Variants in RGS10 observed in about 807,000 individuals in gnomAD.
The protein encoded by RGS10 is regulator of G protein signaling 10.
Under a neutral mutation model 23.5 loss-of-function variants are expected in RGS10, and 11 were observed. The observed-to-expected ratio is 0.47, with a 90% CI of 0.29 to 0.77. The LOEUF (loss-of-function observed/expected upper bound fraction) is 0.77, where lower values mean the gene tolerates loss of function less well. Ranked by LOEUF, RGS10 falls within the 30% of genes least tolerant of loss-of-function variation. RGS10 has a pLI of 0.08. For missense variants in RGS10, 180 were observed against 226.3 expected, an observed-to-expected ratio of 0.80 and a Z score of 1.31; for synonymous variants, 77 against 83.2, an observed-to-expected ratio of 0.92 and a Z score of 0.41.
intron 4 of RGS10, among the ~76,000 whole-genome samples, chr10:119,511,643 T>C (rs1390056639): frequency 6.6e-6 from 1 of 152,030 alleles, no homozygotes; most frequent in African/African-American, 2.4e-5. Flanking sequence ...GATGAAGTGC[T>C]CATTAAAATG....
Position 119,508,263 on chromosome 10 carries a change from G to A in RGS10, c.399+7246C>T, listed in dbSNP as rs563621262. On this transcript the variant is annotated intron_variant, in intron 4 of 4. Transcript: ENST00000369103. ...AATCCACCCGCCTCGGCCTCCCAAAGTGCTGGGATTATAGGCATGAGCCAC... is the reference window on the plus strand; with the variant it reads ...AATCCACCCGCCTCGGCCTCCCAAAATGCTGGGATTATAGGCATGAGCCAC... Among the ~76,000 whole-genome samples, 8 of 152,292 alleles carry A rather than the reference G, an allele frequency of 5.3e-5. No homozygotes were observed. In the East Asian group the frequency reaches 1.5e-3, roughly 29 times the overall value.
intron 1 of RGS10, among the ~76,000 whole-genome samples, chr10:119,533,610 A>G (rs1844354897): frequency 6.6e-6 from 1 of 152,220 alleles, no homozygotes; most frequent in Admixed American, 6.5e-5. Flanking sequence ...TTTCATTGAT[A>G]AAAGTTTCCA....
chr10:119,506,529 G>A (rs1844014869), intron 4 of RGS10, among the ~76,000 whole-genome samples: 1 of 152,216 alleles, frequency 6.6e-6, no homozygotes, highest in African/African-American at 2.4e-5. Flanking sequence ...CACACGTGTG[G>A]AGCGGATTGT....
intron 4 of RGS10, among the ~76,000 whole-genome samples, chr10:119,503,739 C>A (rs950978810): frequency 6.6e-6 from 1 of 152,198 alleles, no homozygotes; most frequent in Non-Finnish European, 1.5e-5. Flanking sequence ...CCGCTGTCCT[C>A]GGCTCGTAGA....
At chr10:119,531,560 TATGTGTTCAA>T (rs1470452035) in intron 1 of RGS10, among the ~76,000 whole-genome samples, 1 of 152,220 alleles carries the variant, frequency 6.6e-6, no homozygotes, top group East Asian at 1.9e-4. Context: ...ATATTAGGTT[TATGTGTTCAA>T]ATGTGTTTTC....
At chr10:119,512,399 C>G (rs543936927) in intron 4 of RGS10, among the ~76,000 whole-genome samples, 1 of 151,358 alleles carries the variant, frequency 6.6e-6, no homozygotes, top group African/African-American at 2.5e-5. Flanking sequence ...AGCAAGGCCC[C>G]GGAGAGACAG....
chr10:119,513,581 G>A (rs1330130488), intron 4 of RGS10, among the ~76,000 whole-genome samples: 1 of 152,106 alleles, frequency 6.6e-6, no homozygotes, highest in African/African-American at 2.4e-5. Context: ...CCCACTGAAT[G>A]AGTCTAAGGG....
At chr10:119,505,423 A>G (rs1843999437) in intron 4 of RGS10, among the ~76,000 whole-genome samples, 2 of 149,814 alleles carry the variant, frequency 1.3e-5, no homozygotes, top group Admixed American at 1.3e-4. Context: ...CCTGGACTGT[A>G]AACTGTTTAG....
intron 4 of RGS10, among the ~76,000 whole-genome samples, chr10:119,510,363 C>T (rs938525184): frequency 2.6e-5 from 4 of 152,148 alleles, no homozygotes; most frequent in Non-Finnish European, 5.9e-5. Context: ...GGGGCCTTTG[C>T]GCTCACCTCT....
At chr10:119,536,348 C>T (rs1844386819) in intron 1 of RGS10, 1 of 890,918 alleles carries the variant, frequency 1.1e-6, no homozygotes, top group Non-Finnish European at 1.7e-6. Context: ...GGCCCTTCCA[C>T]AGTCACCTGT....
rs2133962234 is a variant in RGS10 at position 119,538,300 on chromosome 10, G to T, written c.49+4290C>A. ...CTTGGGTCCAAGACTTGAGTTCTCT[G>T]CCCCTTCAGAAATGGGTGCCTCCGG... On this transcript the variant is annotated intron_variant, in intron 1 of 4. Coordinates refer to ENST00000369103, the MANE Select transcript of RGS10 (RefSeq NM_001005339.2). The surrounding 1 kb of genome is among the most constrained non-coding windows in gnomAD (Gnocchi z 4.5). Among the ~76,000 whole-genome samples the T allele has an allele frequency of 1.3e-5, 2 of 152,346 alleles. No individual in the cohort carries two copies. The highest frequency in any genetic ancestry group is 6.8e-3 in the Middle Eastern group (2 of 294).
At chr10:119,513,993 AAC>A (rs1169839158) in intron 4 of RGS10, among the ~76,000 whole-genome samples, 4 of 152,234 alleles carry the variant, frequency 2.6e-5, no homozygotes, top group African/African-American at 9.6e-5. Context: ...TGGGAATAAT[AAC>A]ACTCATTGGA....
At position 119,515,543 on chromosome 10, in the gene RGS10, G is replaced by A. The variant is rs762691987; in HGVS notation, c.365C>T (p.Pro122Leu). Residue 122 changes from proline to leucine, a missense_variant, in exon 4 of 5, where the codon CCG becomes CTG. Pro to Leu is a moderately conservative substitution (Grantham distance 98). Transcript: ENST00000369103. The stretch of plus-strand genomic sequence containing the variant: ...GAGTTTCTGGAACATCAGAGGGTGC[G>A]GTTCTTCCAGGATCTTCTCGTTGAG... ...SRLNEKILEE[P>L]HPLMFQKLQD... is the part of the protein sequence containing the mutation. The A allele has an allele frequency of 1.5e-5, 24 of 1,614,016 alleles. No individual in the cohort carries two copies. Among genetic ancestry groups the A allele is most frequent in the South Asian group, 2.2e-5 (2 of 91,084 alleles).
At chr10:119,505,697 C>T (rs889568750) in intron 4 of RGS10, among the ~76,000 whole-genome samples, 19 of 152,212 alleles carry the variant, frequency 1.2e-4, no homozygotes, top group Admixed American at 5.9e-4. Flanking sequence ...GTCCCCCTGA[C>T]GCATACTCAT....
intron 1 of RGS10, among the ~76,000 whole-genome samples, chr10:119,531,398 G>A (rs1452450793): frequency 1.3e-5 from 2 of 152,196 alleles, no homozygotes; most frequent in East Asian, 1.9e-4. Context: ...ACCAGACCAT[G>A]TTTGGGTTTT....
intron 1 of RGS10, among the ~76,000 whole-genome samples, chr10:119,536,967 T>A (rs1844394455): frequency 6.6e-6 from 1 of 152,080 alleles, no homozygotes; most frequent in South Asian, 2.1e-4. Context: ...AAGGGCTGAG[T>A]CTTCCTCAGG....
chr10:119,542,675 G>T lies in RGS10; in HGVS notation c.-37C>A. The T allele has an allele frequency of 1.5e-6, 2 of 1,337,772 alleles. No individual in the cohort carries two copies. The highest frequency in any genetic ancestry group is 1.8e-5 in the South Asian group (1 of 54,818). 82.9% of individuals were successfully genotyped at this position (1,337,772 alleles called of 1,614,324 possible). A position where few individuals can be genotyped will look rare whatever the true frequency, so the allele number is the denominator to read the frequency against. On this transcript the variant is annotated 5_prime_UTR_variant, in exon 1 of 5. Coordinates refer to ENST00000369103, the MANE Select transcript of RGS10 (RefSeq NM_001005339.2). ...CCCGAGGAGGAAGAAGGAGCAGCCC[G>T]GCGGCGCGGCGGCTGAGCCGGAGGA...
intron 1 of RGS10, among the ~76,000 whole-genome samples, chr10:119,537,339 G>A (rs558784869): frequency 2.0e-4 from 29 of 146,382 alleles, no homozygotes; most frequent in Middle Eastern, 3.3e-3. Context: ...CCGAGATTGC[G>A]CCATTGCACT....
At position 119,517,002 on chromosome 10, in the gene RGS10, CAT is replaced by C. The variant is rs938472600; in HGVS notation, c.256-1352_256-1351del. Among the ~76,000 whole-genome samples the C allele has an allele frequency of 1.4e-4, 21 of 152,328 alleles. No homozygotes were observed. The highest frequency in any genetic ancestry group is 5.9e-4 in the Admixed American group (9 of 15,298). ...CTAAAATGCAGCCACACAGCTATGA[CAT>C]GTGTGTGGGGGGCCTGGAAAACTGC... On this transcript the variant is annotated intron_variant, in intron 3 of 4. Transcript: ENST00000369103. The surrounding 1 kb of genome is among the most constrained non-coding windows in gnomAD (Gnocchi z 5.0).
Sources: allele counts gnomAD v4.1 joint callset (sites outside exome capture counted in the v4.1 genomes callset), GRCh38; gene constraint gnomAD v4.1.1; non-coding constraint Gnocchi (gnomAD v3.1); transcripts MANE v1.5; gene names NCBI Gene and HGNC (gene_info 2026-07-23, HGNC 2026-07-21).